The following NEDD4L variants were observed in gnomAD, a reference collection of about 807,000 sequenced individuals.
The protein encoded by NEDD4L is NEDD4 like E3 ubiquitin protein ligase.
A neutral mutation model predicts 148.9 loss-of-function variants in NEDD4L; 54 were observed. The ratio of observed to expected loss-of-function variants is 0.36; its 90% CI spans 0.29 to 0.45. The LOEUF (loss-of-function observed/expected upper bound fraction) is 0.45. NEDD4L is among the 20% of genes least tolerant of loss of function. NEDD4L has a pLI of 1.00. For missense variants in NEDD4L, 856 were observed against 1,233.8 expected (o/e 0.69, Z 4.59); for synonymous variants, 433 against 440.7 (o/e 0.98, Z 0.22).
At chr18:58,058,238 G>A (rs968543089) in intron 1 of NEDD4L, among the ~76,000 whole-genome samples, 9 of 152,192 alleles carry the variant, frequency 5.9e-5, no homozygotes, top group African/African-American at 1.9e-4. Flanking sequence ...CCTGAGAGGC[G>A]GAGATTGCAG....
intron 1 of NEDD4L, among the ~76,000 whole-genome samples, chr18:58,126,005 G>A (rs2031016260): frequency 1.3e-5 from 2 of 152,236 alleles, no homozygotes; most frequent in Admixed American, 1.3e-4. Context: ...GGCATCTGCT[G>A]TTGTTACTTT....
intron 2 of NEDD4L, among the ~76,000 whole-genome samples, chr18:58,230,067 G>A (rs987569015): frequency 2.6e-5 from 4 of 152,156 alleles, no homozygotes; most frequent in African/African-American, 9.7e-5. Context: ...GAAAAAGCAT[G>A]AAAAATGACG....
At chr18:58,048,895 T>C (rs1374089668) in intron 1 of NEDD4L, among the ~76,000 whole-genome samples, 1 of 152,224 alleles carries the variant, frequency 6.6e-6, no homozygotes, top group Admixed American at 6.5e-5. Flanking sequence ...TTACATATAA[T>C]TATCCACTTC....
chr18:58,355,682 A>G (rs1361053915), intron 18 of NEDD4L, among the ~76,000 whole-genome samples: 1 of 152,178 alleles, frequency 6.6e-6, no homozygotes, highest in South Asian at 2.1e-4. Flanking sequence ...TGTGAAAGGT[A>G]AGGGACCCAA....
intron 5 of NEDD4L, among the ~76,000 whole-genome samples, chr18:58,268,738 C>T (rs1359791187): frequency 6.6e-6 from 1 of 152,066 alleles, no homozygotes; most frequent in Non-Finnish European, 1.5e-5. Context: ...AGACATCATG[C>T]TTTGTAATGA....
intron 5 of NEDD4L, among the ~76,000 whole-genome samples, chr18:58,296,876 C>T (rs1408256321): frequency 6.6e-6 from 1 of 152,086 alleles, no homozygotes; most frequent in South Asian, 2.1e-4. Context: ...GAGCTGAGAT[C>T]GTGCCACTGC....
At chr18:58,386,806 G>A (rs1454800377) in intron 26 of NEDD4L, among the ~76,000 whole-genome samples, 9 of 152,156 alleles carry the variant, frequency 5.9e-5, no homozygotes, top group Non-Finnish European at 1.0e-4. Context: ...ACAGCTCGGG[G>A]CCTTAGGGAC....
At chr18:58,194,020 C>T (rs1406030919) in intron 2 of NEDD4L, 2 of 152,268 alleles carry the variant, frequency 1.3e-5, no homozygotes, top group Non-Finnish European at 2.9e-5. Context: ...CACCGCATCA[C>T]GCGAGGTGGG....
At chr18:58,117,455 T>C (rs2085921705) in intron 1 of NEDD4L, among the ~76,000 whole-genome samples, 1 of 152,230 alleles carries the variant, frequency 6.6e-6, no homozygotes, top group Non-Finnish European at 1.5e-5. Context: ...TTTTATTCTT[T>C]ATTGGGGAAC....
intron 5 of NEDD4L, among the ~76,000 whole-genome samples, chr18:58,270,264 G>A (rs1324852761): frequency 6.6e-6 from 1 of 152,182 alleles, no homozygotes; most frequent in Non-Finnish European, 1.5e-5. Context: ...TATTTAAAGC[G>A]AAGTAGTAAA....
At chr18:58,189,389 A>G (rs2039843063) in intron 2 of NEDD4L, among the ~76,000 whole-genome samples, 1 of 152,142 alleles carries the variant, frequency 6.6e-6, no homozygotes, top group African/African-American at 2.4e-5. Context: ...TGGAGGAAGA[A>G]AATAACTTAC....
chr18:58,300,727 G>T (rs759234295), intron 5 of NEDD4L, among the ~76,000 whole-genome samples: 1 of 152,194 alleles, frequency 6.6e-6, no homozygotes, highest in East Asian at 1.9e-4. Context: ...TCCAGTATAT[G>T]CTGGGCTCTG....
intron 16 of NEDD4L, among the ~76,000 whole-genome samples, chr18:58,343,576 A>G (rs1188266202): frequency 6.6e-6 from 1 of 152,100 alleles, no homozygotes; most frequent in African/African-American, 2.4e-5. Flanking sequence ...TCTGAGGTAC[A>G]TTTTCATGCC....
chr18:58,311,667 A>G (rs1221255932), intron 5 of NEDD4L, among the ~76,000 whole-genome samples: 3 of 152,180 alleles, frequency 2.0e-5, no homozygotes, highest in Non-Finnish European at 2.9e-5. Flanking sequence ...CACATCCTTC[A>G]AGTACAGTTC....
intron 1 of NEDD4L, among the ~76,000 whole-genome samples, chr18:58,150,970 A>C (rs891217178): frequency 2.6e-4 from 40 of 152,310 alleles, no homozygotes; most frequent in African/African-American, 9.1e-4. Context: ...GAACTTTGGC[A>C]CTGTTGGGAG....
rs146122699 is a variant in NEDD4L, at chr18:58,184,512, C to A, written c.122+18651C>A. On this transcript the variant is annotated intron_variant, in intron 2 of 30. Coordinates refer to ENST00000400345, the MANE Select transcript of NEDD4L (RefSeq NM_001144967.3). The stretch of plus-strand genomic sequence containing the variant: ...TATTATCCTACCTCCTAAGCCATCC[C>A]TGGAGTGGTGGCTTGGAGAAGTTTT... Among the ~76,000 whole-genome samples the A allele has an allele frequency of 3.8e-3, 573 of 152,160 alleles. 5 individuals carry two copies. The highest frequency in any genetic ancestry group is 0.013 in the African/African-American group (541 of 41,514).
At chr18:58,390,882 G>A (rs183122621) in intron 29 of NEDD4L, 140 bp downstream of exon 29, 8 of 679,952 alleles carry the variant, frequency 1.2e-5, no homozygotes, top group East Asian at 1.1e-4. Flanking sequence ...TTCCATGAAA[G>A]TTCAATGAAA....
At chr18:58,145,703 G>A (rs1041810702) in intron 1 of NEDD4L, among the ~76,000 whole-genome samples, 1 of 151,912 alleles carries the variant, frequency 6.6e-6, no homozygotes, top group Admixed American at 6.6e-5. Flanking sequence ...CTTTCTGTGG[G>A]TTTTTAGAAG....
chr18:58,061,003 A>G (rs908297130), intron 1 of NEDD4L, among the ~76,000 whole-genome samples: 4 of 151,982 alleles, frequency 2.6e-5, no homozygotes, highest in African/African-American at 9.7e-5. Flanking sequence ...CAAGTGATGT[A>G]CCGGTCTCGG....
Sources: allele counts gnomAD v4.1 joint callset (sites outside exome capture counted in the v4.1 genomes callset), GRCh38; gene constraint gnomAD v4.1.1; transcripts MANE v1.5; gene names NCBI Gene and HGNC (gene_info 2026-07-23, HGNC 2026-07-21).